Variants in SGCD observed in about 807,000 individuals in gnomAD.
SGCD encodes sarcoglycan delta.
In SGCD, 18 loss-of-function variants were observed where a neutral mutation model predicts 36.6. The ratio of observed to expected loss-of-function variants is 0.49; its 90% CI spans 0.34 to 0.73. The LOEUF (loss-of-function observed/expected upper bound fraction) is 0.73. SGCD is among the 30% of genes least tolerant of loss of function. The probability of loss-of-function intolerance (pLI) is 0.01; values close to 1 mark genes in which losing one functional copy is unlikely to be tolerated. For synonymous variants in SGCD, 133 were observed against 130.6 expected (o/e 1.02, Z -0.12); for missense variants, 387 against 346.7 (o/e 1.12, Z -0.92).
At chr5:156,675,980 C>T (rs947537229) in intron 7 of SGCD, among the ~76,000 whole-genome samples, 1 of 152,146 alleles carries the variant, frequency 6.6e-6, no homozygotes, top group Non-Finnish European at 1.5e-5. Context: ...ACGTTTTATT[C>T]CTGTTGCCAG....
chr5:156,700,298 A>T (rs1375612105), intron 7 of SGCD, among the ~76,000 whole-genome samples: 1 of 152,218 alleles, frequency 6.6e-6, no homozygotes, highest in Non-Finnish European at 1.5e-5. Flanking sequence ...AAGCTACTGC[A>T]TACCTCTCCT....
At chr5:155,939,132 A>G (rs900605651) in intron 1 of SGCD, among the ~76,000 whole-genome samples, 3 of 152,204 alleles carry the variant, frequency 2.0e-5, no homozygotes, top group Non-Finnish European at 4.4e-5. Flanking sequence ...AGATTTATGC[A>G]TCTATAAGCA....
intron 7 of SGCD, among the ~76,000 whole-genome samples, chr5:156,729,782 T>C (rs1755964018): frequency 6.6e-6 from 1 of 152,164 alleles, no homozygotes; most frequent in South Asian, 2.1e-4. Context: ...ACATCCCATG[T>C]CCCCCTCTCC....
intron 3 of SGCD, among the ~76,000 whole-genome samples, chr5:156,265,373 G>A (rs1490791278): frequency 2.5e-4 from 38 of 152,022 alleles, no homozygotes; most frequent in Admixed American, 2.2e-3. Context: ...ACTCAGTTAC[G>A]GAGAATGGAT....
chr5:156,653,135 T>C (rs558918372), intron 7 of SGCD, among the ~76,000 whole-genome samples: 1 of 152,220 alleles, frequency 6.6e-6, no homozygotes, highest in Admixed American at 6.5e-5. Context: ...GAGTCCTTCC[T>C]CCTCGGTTTT....
chr5:156,330,631 C>A (rs1311654199), intron 2 of SGCD, among the ~76,000 whole-genome samples: 1 of 152,158 alleles, frequency 6.6e-6, no homozygotes, highest in Admixed American at 6.5e-5. Flanking sequence ...TTTCAGTGAG[C>A]CTTCTCCTGA....
chr5:156,671,460 G>A (rs1225313304), intron 7 of SGCD, among the ~76,000 whole-genome samples: 2 of 152,004 alleles, frequency 1.3e-5, no homozygotes, highest in Non-Finnish European at 2.9e-5. Flanking sequence ...TTTTAGGAGA[G>A]AAGGGGTTTC....
chr5:155,914,211 C>T (rs1756691336), intron 1 of SGCD, among the ~76,000 whole-genome samples: 1 of 152,134 alleles, frequency 6.6e-6, no homozygotes, highest in Admixed American at 6.6e-5. Context: ...GAGCCCTTCA[C>T]AGGTTTGCCA....
At chr5:156,132,812 C>A (rs887288538) in intron 3 of SGCD, among the ~76,000 whole-genome samples, 4 of 152,160 alleles carry the variant, frequency 2.6e-5, no homozygotes, top group Admixed American at 2.6e-4. Flanking sequence ...CTTTCTTTAG[C>A]CCTCACTGAA....
At chr5:155,793,427 G>T in the SGCD span, among the ~76,000 whole-genome samples, 2 of 151,806 alleles carry the variant, frequency 1.3e-5, no homozygotes, top group Non-Finnish European at 2.9e-5. Flanking sequence ...ATAAAAAAAA[G>T]TTTTTAAGTA....
chr5:156,470,833 A>G (rs2127827450), intron 3 of SGCD, among the ~76,000 whole-genome samples: 1 of 152,330 alleles, frequency 6.6e-6, no homozygotes, highest in Non-Finnish European at 1.5e-5. Flanking sequence ...TGTAAGCAAC[A>G]GTTTCCTTAA....
At chr5:155,827,956 G>A in the SGCD span, among the ~76,000 whole-genome samples, 6 of 150,846 alleles carry the variant, frequency 4.0e-5, no homozygotes, top group East Asian at 9.8e-4. Flanking sequence ...CTCCCAAAGT[G>A]CTGAGATTAC....
intron 1 of SGCD, among the ~76,000 whole-genome samples, chr5:155,900,541 A>G (rs977239601): frequency 1.3e-5 from 2 of 151,702 alleles, no homozygotes; most frequent in African/African-American, 2.4e-5. Context: ...GTCATCTAGC[A>G]TTAGGTATAT....
chr5:156,678,885 A>G (rs1200104898), intron 7 of SGCD, among the ~76,000 whole-genome samples: 1 of 152,028 alleles, frequency 6.6e-6, no homozygotes, highest in African/African-American at 2.4e-5. Context: ...GAAACCCACA[A>G]TTTTCTTGTT....
In SGCD at chr5:156,741,115, G is replaced by A. The variant is rs530551666; in HGVS notation, c.576-16466G>A. 1.4e-4 allele frequency among the ~76,000 whole-genome samples: 22 copies of A among 152,152 alleles called. No individual in the cohort carries two copies. The South Asian group carries it at 1.7e-3, about 12-fold the overall frequency. ...TGGCTTTTATGATGTTCTGAAGGTC[G>A]CTCCCCAAAGTAACAAAAGCCATTG... On this transcript the variant is annotated intron_variant, in intron 7 of 8. Transcript: ENST00000337851.
intron 1 of SGCD, among the ~76,000 whole-genome samples, chr5:155,889,574 T>C (rs1292311852): frequency 6.6e-6 from 1 of 152,224 alleles, no homozygotes; most frequent in African/African-American, 2.4e-5. Context: ...AGGAGAATTG[T>C]TCATTTAAAC....
chr5:156,379,600 A>T (rs1036765603), intron 3 of SGCD, among the ~76,000 whole-genome samples: 3 of 152,180 alleles, frequency 2.0e-5, no homozygotes, highest in African/African-American at 7.2e-5. Flanking sequence ...TCAGAAAAGC[A>T]GTGATTATAG....
intron 3 of SGCD, among the ~76,000 whole-genome samples, chr5:156,470,453 A>G (rs1754906732): frequency 6.6e-6 from 1 of 152,032 alleles, no homozygotes; most frequent in Non-Finnish European, 1.5e-5. Flanking sequence ...CTAACTCGTC[A>G]TTTAGCATTA....
chr5:155,842,347 G>A, the SGCD span, among the ~76,000 whole-genome samples: 16 of 151,480 alleles, frequency 1.1e-4, no homozygotes, highest in Non-Finnish European at 2.2e-4. Context: ...GACTGAGGTG[G>A]GTGGATCACA....
Sources: gnomAD v4.1 joint callset for allele counts (sites outside exome capture counted in the v4.1 genomes callset) on GRCh38, gnomAD v4.1.1 for gene constraint, MANE v1.5 for transcripts, NCBI Gene and HGNC (gene_info 2026-07-23, HGNC 2026-07-21) for gene names.